LRRIQ1: variants seen among roughly 807,000 people sequenced by gnomAD.
The protein encoded by LRRIQ1 is leucine rich repeats and IQ motif containing 1.
In LRRIQ1, 210 loss-of-function variants were observed where a neutral mutation model predicts 211.9. The ratio of observed to expected loss-of-function variants is 0.99; its 90% CI spans 0.89 to 1.11. The LOEUF (loss-of-function observed/expected upper bound fraction) is 1.11, where lower values mean the gene tolerates loss of function less well. LRRIQ1 is among the 50% of genes most tolerant of loss of function. The pLI, the probability that LRRIQ1 is intolerant of heterozygous loss-of-function variation, is 0.00. For synonymous variants in LRRIQ1, 699 were observed against 650.1 expected (o/e 1.08, Z -1.14); for missense variants, 2,136 against 1,939.5 (o/e 1.10, Z -1.90).
chr12:85,269,682 G>T, the LRRIQ1 span, among the ~76,000 whole-genome samples: 1 of 151,896 alleles, frequency 6.6e-6, no homozygotes, highest in Non-Finnish European at 1.5e-5. Flanking sequence ...GTTCCTTGAG[G>T]CCTTCAGGAG....
At chr12:85,090,628 G>T (rs1232433285) in intron 11 of LRRIQ1, among the ~76,000 whole-genome samples, 2 of 152,284 alleles carry the variant, frequency 1.3e-5, no homozygotes, top group African/African-American at 4.8e-5. Flanking sequence ...CTTTCATTTG[G>T]CTGATTTCTC....
intron 19 of LRRIQ1, among the ~76,000 whole-genome samples, chr12:85,144,817 G>T (rs1889779415): frequency 6.6e-6 from 1 of 151,574 alleles, no homozygotes; most frequent in African/African-American, 2.4e-5. Flanking sequence ...GGATAATTTT[G>T]TTTGCAATGC....
chr12:85,060,843 T>A lies in LRRIQ1; in HGVS notation c.2391+3659T>A, dbSNP rs958600552. On this transcript the variant is annotated intron_variant, in intron 8 of 26. Coordinates refer to ENST00000393217, the MANE Select transcript of LRRIQ1 (RefSeq NM_001079910.2). Reference sequence around the variant, plus strand: ...TTCTTAGGTTGAACTCAAGAATAATTGAGAATAAAATCTCTAAATGTATGT... The same window carrying A: ...TTCTTAGGTTGAACTCAAGAATAATAGAGAATAAAATCTCTAAATGTATGT... Among the ~76,000 whole-genome samples the A allele has an allele frequency of 5.3e-5, 8 of 151,876 alleles. No individual in the cohort carries two copies. In the East Asian group the frequency reaches 1.5e-3, roughly 29 times the overall value.
chr12:85,069,237 A>G (rs1393132480), intron 10 of LRRIQ1, among the ~76,000 whole-genome samples: 1 of 151,908 alleles, frequency 6.6e-6, no homozygotes, highest in African/African-American at 2.4e-5. Flanking sequence ...GATGGTTTCC[A>G]GTTTCATCCA....
At chr12:85,234,238 A>G (rs1224270692) in intron 26 of LRRIQ1, among the ~76,000 whole-genome samples, 1 of 152,142 alleles carries the variant, frequency 6.6e-6, no homozygotes, top group African/African-American at 2.4e-5. Context: ...CTCTCTTTCA[A>G]AAAACAAAAA....
chr12:85,196,530 A>G (rs1439624352), intron 24 of LRRIQ1, among the ~76,000 whole-genome samples: 1 of 152,062 alleles, frequency 6.6e-6, no homozygotes, highest in Non-Finnish European at 1.5e-5. Context: ...CCACATATCT[A>G]CAACTATCTG....
At chr12:85,081,355 T>G (rs1353275049) in intron 11 of LRRIQ1, among the ~76,000 whole-genome samples, 1 of 152,154 alleles carries the variant, frequency 6.6e-6, no homozygotes, top group Non-Finnish European at 1.5e-5. Context: ...TGAACTGTCC[T>G]TCATTACCTA....
chr12:85,098,854 A>C lies in LRRIQ1; in HGVS notation c.3082-13A>C. On this transcript the variant is annotated splice_polypyrimidine_tract_variant and intron_variant, in intron 12 of 26. Coordinates refer to ENST00000393217, the MANE Select transcript of LRRIQ1 (RefSeq NM_001079910.2). ...TTGCTTAATATAAACTAATGAACCA[A>C]ATTTAAATATAGCTTCCATCCTTGG... is the stretch of plus-strand genomic sequence containing the variant. The C allele has an allele frequency of 3.3e-6, 5 of 1,532,554 alleles. No homozygotes were observed. Among genetic ancestry groups the C allele is most frequent in the Non-Finnish European group, 4.4e-6 (5 of 1,138,020 alleles). The allele number at this position is 1,532,554 out of a possible 1,614,324, so 94.9% of individuals were successfully genotyped here.
rs368196416 is a variant in LRRIQ1, at chr12:85,127,855, C to T, written c.4031C>T (p.Ser1344Leu). The T allele has an allele frequency of 1.6e-5, 26 of 1,613,614 alleles. No individual in the cohort carries two copies. In the African/African-American group the frequency reaches 2.9e-4, roughly 18 times the overall value. The part of the protein sequence containing the change: ...EKIMAAVVIQ[S>L]YWRGYLMRRQ... ...AGTATGGCAGCTGTGGTAATCCAGTCATACTGGCGTGGTTACCTCATGCGC... is the reference window on the plus strand; with the variant it reads ...AGTATGGCAGCTGTGGTAATCCAGTTATACTGGCGTGGTTACCTCATGCGC... The change falls in exon 18 of 27, where the codon TCA becomes TTA. Residue 1344 changes from serine (S) to leucine (L), a missense_variant. Ser to Leu is a moderately radical substitution (Grantham distance 145). Coordinates refer to ENST00000393217, the MANE Select transcript of LRRIQ1 (RefSeq NM_001079910.2).
chr12:85,200,426 T>G (rs1291217090), intron 24 of LRRIQ1, among the ~76,000 whole-genome samples: 1 of 152,204 alleles, frequency 6.6e-6, no homozygotes, highest in African/African-American at 2.4e-5. Flanking sequence ...CTGACAAATC[T>G]CTTCCTATTT....
At chr12:85,223,861 A>T (rs1301492873) in intron 24 of LRRIQ1, among the ~76,000 whole-genome samples, 1 of 152,078 alleles carries the variant, frequency 6.6e-6, no homozygotes, top group African/African-American at 2.4e-5. Context: ...TTATTAAATA[A>T]TTATAATGTT....
chr12:85,110,171 G>A (rs1887071143), intron 15 of LRRIQ1, among the ~76,000 whole-genome samples: 1 of 152,056 alleles, frequency 6.6e-6, no homozygotes, highest in African/African-American at 2.4e-5. Context: ...AGTATTTTAT[G>A]AACTCCTCCT....
intron 23 of LRRIQ1, among the ~76,000 whole-genome samples, chr12:85,154,324 T>C (rs1393752310): frequency 6.6e-6 from 1 of 151,312 alleles, no homozygotes; most frequent in Non-Finnish European, 1.5e-5. Flanking sequence ...CTTATATACT[T>C]TGCTATTGAT....
intron 19 of LRRIQ1, among the ~76,000 whole-genome samples, chr12:85,141,868 G>T: frequency 6.7e-6 from 1 of 150,008 alleles, no homozygotes. Context: ...AAGTATTTTT[G>T]TTTTTCTATT....
intron 1 of LRRIQ1, among the ~76,000 whole-genome samples, chr12:85,261,147 C>T (rs1896273834): frequency 6.6e-6 from 1 of 152,092 alleles, no homozygotes. Context: ...TCTCTAGCTC[C>T]GTTACAGACT....
intron 24 of LRRIQ1, among the ~76,000 whole-genome samples, chr12:85,174,270 A>G (rs907365176): frequency 1.3e-5 from 2 of 152,030 alleles, no homozygotes; most frequent in African/African-American, 4.8e-5. Flanking sequence ...AGCAGAAATA[A>G]AAAAAACTTG....
chr12:85,159,947 T>C (rs1423634907), intron 23 of LRRIQ1, among the ~76,000 whole-genome samples: 1 of 151,996 alleles, frequency 6.6e-6, no homozygotes, highest in Non-Finnish European at 1.5e-5. Flanking sequence ...TCTTGAGAAA[T>C]ACAATCATTG....
chr12:85,117,931 A>G (rs1386492877), intron 15 of LRRIQ1, among the ~76,000 whole-genome samples: 10 of 152,302 alleles, frequency 6.6e-5, no homozygotes, highest in South Asian at 2.1e-4. Flanking sequence ...TAGCTTCATC[A>G]GTAATACAGT....
chr12:85,113,140 T>G (rs1360568046), intron 15 of LRRIQ1, among the ~76,000 whole-genome samples: 1 of 152,166 alleles, frequency 6.6e-6, no homozygotes, highest in East Asian at 1.9e-4. Flanking sequence ...CCTTAACTTT[T>G]GTTGAATACA....
Sources: gnomAD v4.1 joint callset for allele counts (sites outside exome capture counted in the v4.1 genomes callset) on GRCh38, gnomAD v4.1.1 for gene constraint, MANE v1.5 for transcripts, NCBI Gene and HGNC (gene_info 2026-07-23, HGNC 2026-07-21) for gene names.